Variants in MAPK8 observed in about 807,000 individuals in gnomAD.
MAPK8 encodes mitogen-activated protein kinase 8, also known as JUN N-terminal kinase.
Under a neutral mutation model 52.9 loss-of-function variants are expected in MAPK8, and 13 were observed. That is an observed-to-expected ratio of 0.25 (90% CI 0.16 to 0.39). MAPK8 has a LOEUF of 0.39. Among genes scored for constraint, MAPK8 ranks in the 10% least tolerant of loss-of-function variants. MAPK8 has a pLI of 1.00. For synonymous variants in MAPK8, 191 were observed against 169.8 expected, an observed-to-expected ratio of 1.12 and a Z score of -0.97; for missense variants, 300 against 519.2, an observed-to-expected ratio of 0.58 and a Z score of 4.10.
chr10:48,372,132 A>G (rs544127237), intron 1 of MAPK8, among the ~76,000 whole-genome samples: 24 of 152,206 alleles, frequency 1.6e-4, no homozygotes, highest in South Asian at 1.2e-3. Context: ...TTATCGACTC[A>G]ACCTTCAGCT....
At chr10:48,307,821 C>T (rs990821374) in intron 1 of MAPK8, among the ~76,000 whole-genome samples, 2 of 152,150 alleles carry the variant, frequency 1.3e-5, no homozygotes, top group Non-Finnish European at 2.9e-5. Flanking sequence ...TTCATTCATT[C>T]ATTCAGCAGC....
chr10:48,414,592 T>C (rs1484004380), intron 5 of MAPK8, among the ~76,000 whole-genome samples: 2 of 130,882 alleles, frequency 1.5e-5, no homozygotes, highest in Non-Finnish European at 3.3e-5. Context: ...TTTTTTTTTT[T>C]TTGAGACAGG....
chr10:48,421,246 C>G (rs2043336934), intron 6 of MAPK8, among the ~76,000 whole-genome samples: 1 of 152,116 alleles, frequency 6.6e-6, no homozygotes, highest in Non-Finnish European at 1.5e-5. Context: ...ATTTTCTGAG[C>G]TGATTAAAAA....
intron 1 of MAPK8, among the ~76,000 whole-genome samples, chr10:48,356,316 A>G (rs1468487748): frequency 2.0e-5 from 3 of 152,342 alleles, no homozygotes; most frequent in African/African-American, 2.4e-5. Context: ...GTTAATCAGT[A>G]TGTGTGTCAT....
intron 1 of MAPK8, among the ~76,000 whole-genome samples, chr10:48,391,264 G>A (rs1442802719): frequency 6.6e-6 from 1 of 152,180 alleles, no homozygotes; most frequent in Non-Finnish European, 1.5e-5. Context: ...TTGAGCCTCA[G>A]ATTATTCCAT....
intron 1 of MAPK8, among the ~76,000 whole-genome samples, chr10:48,379,833 C>G (rs533393131): frequency 1.3e-5 from 2 of 150,956 alleles, no homozygotes; most frequent in Non-Finnish European, 2.9e-5. Flanking sequence ...TATCTGAAAC[C>G]TGTATTCAAG....
At chr10:48,432,064 C>G (rs987157469) in intron 11 of MAPK8, among the ~76,000 whole-genome samples, 1 of 152,126 alleles carries the variant, frequency 6.6e-6, no homozygotes, top group Admixed American at 6.5e-5. Context: ...TTTTTTCAGC[C>G]TCCCATTTTG....
intron 1 of MAPK8, among the ~76,000 whole-genome samples, chr10:48,309,498 G>A (rs1280857225): frequency 6.6e-6 from 1 of 152,204 alleles, no homozygotes; most frequent in African/African-American, 2.4e-5. Context: ...TGGGGGAAAT[G>A]CCATTTGGAA....
At chr10:48,401,466 AT>A (rs1234792056) in intron 1 of MAPK8, 145 bp from the exon 2 acceptor site, 14 of 506,782 alleles carry the variant, frequency 2.8e-5, no homozygotes, top group East Asian at 3.8e-5. Context: ...GCTCTGCGGT[AT>A]TTTTTTTCTT....
intron 10 of MAPK8, 43 bp from the exon 11 acceptor site, chr10:48,431,150 T>C: frequency 4.7e-6 from 6 of 1,288,784 alleles, no homozygotes; most frequent in Non-Finnish European, 4.5e-6. Context: ...TGAGATTGGC[T>C]CTTAGACTTT....
At chr10:48,318,437 A>T (rs61840552) in intron 1 of MAPK8, among the ~76,000 whole-genome samples, 1 of 152,152 alleles carries the variant, frequency 6.6e-6, no homozygotes, top group Non-Finnish European at 1.5e-5. Context: ...AAAGGGGGAC[A>T]AGGGAAATAA....
chr10:48,405,528 C>A (rs1166469816), intron 3 of MAPK8, among the ~76,000 whole-genome samples: 2 of 152,112 alleles, frequency 1.3e-5, no homozygotes, highest in East Asian at 3.8e-4. Flanking sequence ...GTTTCTAATT[C>A]TATTTTCTAA....
intron 10 of MAPK8, chr10:48,429,771 C>T (rs969683142): frequency 2.0e-5 from 3 of 152,106 alleles, no homozygotes; most frequent in African/African-American, 7.2e-5. Flanking sequence ...TTGTTCATTC[C>T]AACATATTCA....
intron 1 of MAPK8, among the ~76,000 whole-genome samples, chr10:48,397,791 G>A (rs1413090581): frequency 1.3e-5 from 2 of 151,932 alleles, no homozygotes; most frequent in Non-Finnish European, 2.9e-5. Context: ...GGGTTTCACC[G>A]TGTTAGCCAG....
At chr10:48,404,276 C>T (rs1196081646) in intron 2 of MAPK8, among the ~76,000 whole-genome samples, 1 of 151,594 alleles carries the variant, frequency 6.6e-6, no homozygotes, top group African/African-American at 2.4e-5. Flanking sequence ...CTTGCCTTAG[C>T]CTCTCAAGTA....
intron 1 of MAPK8, among the ~76,000 whole-genome samples, chr10:48,310,860 C>T (rs769853951): frequency 9.9e-5 from 15 of 152,038 alleles, no homozygotes; most frequent in Non-Finnish European, 2.1e-4. Context: ...ATCACAAATA[C>T]AAGAGATACC....
chr10:48,402,796 C>T (rs577804103), intron 2 of MAPK8, among the ~76,000 whole-genome samples: 1 of 152,278 alleles, frequency 6.6e-6, no homozygotes, highest in Non-Finnish European at 1.5e-5. Flanking sequence ...TTGGTGTTTG[C>T]AGCACCATTT....
chr10:48,429,188 A>G (rs1224732095), intron 10 of MAPK8, among the ~76,000 whole-genome samples: 1 of 152,128 alleles, frequency 6.6e-6, no homozygotes, highest in Non-Finnish European at 1.5e-5. Flanking sequence ...TAGACTCTTA[A>G]TAGGCCAGCA....
At chr10:48,383,202 A>G (rs914933693) in intron 1 of MAPK8, among the ~76,000 whole-genome samples, 9 of 152,062 alleles carry the variant, frequency 5.9e-5, no homozygotes, top group South Asian at 2.1e-4. Context: ...GCCATCTCCA[A>G]AGAGGTGCAA....
Sources: allele counts gnomAD v4.1 joint callset (sites outside exome capture counted in the v4.1 genomes callset), GRCh38; gene constraint gnomAD v4.1.1; transcripts MANE v1.5; gene names NCBI Gene and HGNC (gene_info 2026-07-23, HGNC 2026-07-21).